The following ADAMTS17 variants were observed in gnomAD, a reference collection of about 807,000 sequenced individuals.
The protein encoded by ADAMTS17 is ADAM metallopeptidase with thrombospondin type 1 motif 17.
Under a neutral mutation model 141.5 loss-of-function variants are expected in ADAMTS17, and 113 were observed. The observed-to-expected ratio is 0.80, with a 90% confidence interval of 0.69 to 0.93. ADAMTS17 has a LOEUF of 0.93. ADAMTS17 is among the 40% of genes least tolerant of loss of function. The pLI is 0.00. For synonymous variants in ADAMTS17, 768 were observed against 630.6 expected, an observed-to-expected ratio of 1.22 and a Z score of -3.27; for missense variants, 1,659 against 1,517.9, an observed-to-expected ratio of 1.09 and a Z score of -1.54.
intron 13 of ADAMTS17, among the ~76,000 whole-genome samples, chr15:100,115,081 G>C (rs2037028173): frequency 6.6e-6 from 1 of 152,192 alleles, no homozygotes; most frequent in Admixed American, 6.5e-5. Context: ...AGTGGGAGTG[G>C]GCAGTAAAGA....
At position 100,057,282 on chromosome 15, in the gene ADAMTS17, A is replaced by G. The variant is rs566691662; in HGVS notation, c.2138-3228T>C. 8.6e-4 allele frequency among the ~76,000 whole-genome samples: 131 copies of G among 152,306 alleles called. 1 individual carries two copies. The highest frequency in any genetic ancestry group is 2.8e-3 in the African/African-American group (116 of 41,556). On this transcript the variant is annotated intron_variant, in intron 15 of 21. Transcript: ENST00000268070. Reference sequence around the variant, plus strand: ...GAAGGAAGGGGCTCACTGTGAGGATAGAGGACACCCAGGCATGCTGAGGTG... The same window carrying G: ...GAAGGAAGGGGCTCACTGTGAGGATGGAGGACACCCAGGCATGCTGAGGTG...
chr15:100,108,628 G>A (rs559265311), intron 14 of ADAMTS17, among the ~76,000 whole-genome samples: 1 of 152,238 alleles, frequency 6.6e-6, no homozygotes, highest in Non-Finnish European at 1.5e-5. Flanking sequence ...CATTGGCTCA[G>A]TTCTGCCGTC....
At chr15:100,054,119 A>C in intron 15 of ADAMTS17, 65 bp from the exon 16 acceptor site, 1 of 1,597,290 alleles carries the variant, frequency 6.3e-7, no homozygotes. Context: ...GCCTGTCTTT[A>C]AACGGAATCT....
In ADAMTS17 at chr15:100,070,821, C is replaced by T. The variant is rs1424149443; in HGVS notation, c.2138-16767G>A. Among the ~76,000 whole-genome samples, 10 of 149,276 alleles carry T rather than the reference C, an allele frequency of 6.7e-5. 1 individual carries two copies. The highest frequency in any genetic ancestry group is 1.2e-4 in the Non-Finnish European group (8 of 67,254). ...ATCTAAAATTGACACCCTAACATCA[C>T]AATTAAAAGAACTAGAGAAGCAAGA... is the stretch of plus-strand genomic sequence containing the variant. On this transcript the variant is annotated intron_variant, in intron 15 of 21. Coordinates refer to ENST00000268070, the MANE Select transcript of ADAMTS17 (RefSeq NM_139057.4).
At chr15:99,979,263 C>A (rs897761767) in intron 20 of ADAMTS17, 1 of 152,102 alleles carries the variant, frequency 6.6e-6, no homozygotes, top group Non-Finnish European at 1.5e-5. Flanking sequence ...GTGGCGTGCA[C>A]CTGTAATCCT....
intron 10 of ADAMTS17, among the ~76,000 whole-genome samples, chr15:100,144,401 T>C (rs1436382639): frequency 1.3e-5 from 2 of 152,028 alleles, no homozygotes; most frequent in African/African-American, 4.8e-5. Context: ...AATACAAAAA[T>C]TAGCCGGGCG....
At chr15:100,303,714 T>A (rs1447408791) in intron 3 of ADAMTS17, among the ~76,000 whole-genome samples, 1 of 152,120 alleles carries the variant, frequency 6.6e-6, no homozygotes, top group Non-Finnish European at 1.5e-5. Context: ...AAAATTTATT[T>A]TATTTTATTT....
At chr15:100,241,648 C>T (rs35724364) in intron 7 of ADAMTS17, among the ~76,000 whole-genome samples, 15,751 of 152,182 alleles carry the variant, frequency 0.1, 1,025 homozygotes, top group South Asian at 0.15. Flanking sequence ...AGAAATAGCT[C>T]GTATCACTTC....
chr15:100,120,902 G>C (rs1293972345), intron 12 of ADAMTS17, among the ~76,000 whole-genome samples: 1 of 152,206 alleles, frequency 6.6e-6, no homozygotes, highest in Non-Finnish European at 1.5e-5. Context: ...CCCAGATGTT[G>C]GCCTTGCTAG....
At position 100,059,356 on chromosome 15, in the gene ADAMTS17, T is replaced by G. The variant is rs549437389; in HGVS notation, c.2138-5302A>C. Among the ~76,000 whole-genome samples, 137 of 152,080 alleles carry G rather than the reference T, an allele frequency of 9.0e-4. 1 individual carries two copies. Among genetic ancestry groups the G allele is most frequent in the South Asian group, 1.7e-3 (8 of 4,826 alleles). ...CAGCTCAGAGCCTGCACGCCTCTCC[T>G]CGGGACAGCGTGCTCCTAGCCACGC... is the stretch of plus-strand genomic sequence containing the variant. On this transcript the variant is annotated intron_variant, in intron 15 of 21. Transcript: ENST00000268070.
At chr15:100,130,184 C>T (rs931305293) in intron 12 of ADAMTS17, among the ~76,000 whole-genome samples, 4 of 151,704 alleles carry the variant, frequency 2.6e-5, no homozygotes, top group African/African-American at 9.7e-5. Context: ...GGCAACATGG[C>T]GAAACCCCAT....
At chr15:100,239,940 G>A (rs920650683) in intron 7 of ADAMTS17, among the ~76,000 whole-genome samples, 1 of 152,136 alleles carries the variant, frequency 6.6e-6, no homozygotes, top group Non-Finnish European at 1.5e-5. Flanking sequence ...GTGGTCTCCA[G>A]GTGAAAACCT....
At chr15:100,054,292 G>C (rs1016748631) in intron 15 of ADAMTS17, among the ~76,000 whole-genome samples, 2 of 152,172 alleles carry the variant, frequency 1.3e-5, no homozygotes, top group Non-Finnish European at 2.9e-5. Flanking sequence ...TGGGATTGAT[G>C]GGCACCTTTC....
intron 3 of ADAMTS17, among the ~76,000 whole-genome samples, chr15:100,282,723 G>C (rs2044325190): frequency 6.7e-6 from 1 of 149,828 alleles, no homozygotes; most frequent in Admixed American, 6.7e-5. Context: ...AACAAAAATG[G>C]CTATACAACA....
At position 100,172,632 on chromosome 15, in the gene ADAMTS17, C is replaced by T. The variant is rs111873780; in HGVS notation, c.1182-17312G>A. Among the ~76,000 whole-genome samples, 963 of 152,276 alleles carry T rather than the reference C, an allele frequency of 6.3e-3. 13 individuals are homozygous for T. Among genetic ancestry groups the T allele is most frequent in the African/African-American group, 0.021 (883 of 41,534 alleles). On this transcript the variant is annotated intron_variant, in intron 8 of 21. Transcript: ENST00000268070. ...CCTTCCCACCAAACTATTCACCCCA[C>T]CACTCTGGCTTAGACCCCTGCTCTC...
chr15:100,119,322 G>A (rs115069127), intron 12 of ADAMTS17, among the ~76,000 whole-genome samples: 242 of 152,230 alleles, frequency 1.6e-3, no homozygotes, highest in Middle Eastern at 6.8e-3. Flanking sequence ...TGCTCCTCGC[G>A]GAACTTACAT....
intron 4 of ADAMTS17, among the ~76,000 whole-genome samples, chr15:100,263,434 T>C (rs532153332): frequency 9.2e-5 from 14 of 152,276 alleles, no homozygotes; most frequent in Admixed American, 2.0e-4. Flanking sequence ...CTGAAATAAA[T>C]TGCAATAACA....
intron 11 of ADAMTS17, among the ~76,000 whole-genome samples, chr15:100,132,771 C>T (rs558665162): frequency 3.9e-5 from 6 of 152,256 alleles, no homozygotes; most frequent in East Asian, 1.9e-4. Context: ...CTGCAGATCC[C>T]GAACACCCCT....
At chr15:100,213,339 T>C (rs1263186833) in intron 7 of ADAMTS17, among the ~76,000 whole-genome samples, 2 of 152,188 alleles carry the variant, frequency 1.3e-5, no homozygotes, top group African/African-American at 4.8e-5. Flanking sequence ...AAAAACATGA[T>C]ATAAAAGCCA....
Sources: gnomAD v4.1 joint callset for allele counts (sites outside exome capture counted in the v4.1 genomes callset) on GRCh38, gnomAD v4.1.1 for gene constraint, MANE v1.5 for transcripts, NCBI Gene and HGNC (gene_info 2026-07-23, HGNC 2026-07-21) for gene names.